Variants in MYT1L observed in about 807,000 individuals in gnomAD.
MYT1L encodes myelin transcription factor 1-like protein.
A neutral mutation model predicts 126.7 loss-of-function variants in MYT1L; 12 were observed. The ratio of observed to expected loss-of-function variants is 0.09; its 90% confidence interval spans 0.06 to 0.15. MYT1L has a LOEUF of 0.15. MYT1L is among the 10% of genes least tolerant of loss of function. MYT1L has a pLI of 1.00. For synonymous variants in MYT1L, 541 were observed against 604.2 expected (o/e 0.90, Z 1.53); for missense variants, 979 against 1,585.2 (o/e 0.62, Z 6.49).
intron 3 of MYT1L, among the ~76,000 whole-genome samples, chr2:2,165,495 T>C (rs146858946): frequency 9.9e-5 from 15 of 152,272 alleles, no homozygotes; most frequent in Admixed American, 9.2e-4. Flanking sequence ...CAATGCGTAA[T>C]TTCAACAGAA....
At chr2:2,211,334 C>CT (rs1315803874) in intron 2 of MYT1L, among the ~76,000 whole-genome samples, 2 of 152,190 alleles carry the variant, frequency 1.3e-5, no homozygotes, top group Non-Finnish European at 1.5e-5. Flanking sequence ...GGACAAGGTT[C>CT]TTTTTAAAGT....
chr2:2,329,429 C>CATATTATAATATAGATCCAGATCT (rs1427031450), intron 1 of MYT1L, among the ~76,000 whole-genome samples: 26 of 151,798 alleles, frequency 1.7e-4, no homozygotes, highest in Non-Finnish European at 2.4e-4. Flanking sequence ...CATAATCCTT[C>CATATTATAATATAGATCCAGATCT]ATATTATAAT....
At chr2:1,841,106 C>G in intron 19 of MYT1L, 1 of 321,334 alleles carries the variant, frequency 3.1e-6, no homozygotes. Context: ...GGGGTTTCAC[C>G]GTGTTAGCCA....
chr2:2,038,781 C>T (rs1171565145), intron 4 of MYT1L, among the ~76,000 whole-genome samples: 3 of 152,090 alleles, frequency 2.0e-5, no homozygotes, highest in African/African-American at 7.2e-5. Context: ...GTCCCTCACA[C>T]ACCCTCTTCC....
At chr2:1,825,338 C>T (rs1165352200) in intron 21 of MYT1L, 1 of 152,200 alleles carries the variant, frequency 6.6e-6, no homozygotes, top group Non-Finnish European at 1.5e-5. Context: ...AGCAAGCTCT[C>T]ACCATACAGT....
At chr2:2,168,340 G>C (rs1006465137) in intron 3 of MYT1L, among the ~76,000 whole-genome samples, 1 of 152,164 alleles carries the variant, frequency 6.6e-6, no homozygotes, top group African/African-American at 2.4e-5. Flanking sequence ...AGTCATAGCC[G>C]AACATAAAAA....
At chr2:1,822,497 T>A (rs1266357420) in intron 21 of MYT1L, among the ~76,000 whole-genome samples, 1 of 152,168 alleles carries the variant, frequency 6.6e-6, no homozygotes, top group Non-Finnish European at 1.5e-5. Flanking sequence ...CCAGGGATGC[T>A]CCTGCGTGCT....
At chr2:2,140,089 G>A (rs535314679) in intron 3 of MYT1L, among the ~76,000 whole-genome samples, 1 of 152,126 alleles carries the variant, frequency 6.6e-6, no homozygotes, top group Non-Finnish European at 1.5e-5. Flanking sequence ...TTAATCATCT[G>A]CCATAACACA....
At chr2:2,185,652 C>T (rs2092052654) in intron 2 of MYT1L, among the ~76,000 whole-genome samples, 2 of 140,960 alleles carry the variant, frequency 1.4e-5, no homozygotes, top group Middle Eastern at 3.9e-3. Flanking sequence ...GCCGGGCCTC[C>T]CAGACGCCCG....
intron 11 of MYT1L, among the ~76,000 whole-genome samples, chr2:1,913,559 G>A (rs1368747026): frequency 6.6e-6 from 1 of 152,124 alleles, no homozygotes; most frequent in African/African-American, 2.4e-5. Flanking sequence ...TACCTACTTC[G>A]TTCATTCTTT....
intron 22 of MYT1L, among the ~76,000 whole-genome samples, chr2:1,802,644 G>A (rs1234705630): frequency 1.3e-5 from 2 of 152,154 alleles, no homozygotes; most frequent in East Asian, 1.9e-4. Flanking sequence ...CTGGGCACAG[G>A]GCCCAGATGC....
intron 2 of MYT1L, among the ~76,000 whole-genome samples, chr2:2,265,979 C>T (rs1395078095): frequency 6.6e-6 from 1 of 152,050 alleles, no homozygotes; most frequent in East Asian, 1.9e-4. Flanking sequence ...CTTAGCCTCC[C>T]ATAGAGGTTA....
chr2:2,241,553 T>C (rs906804200), intron 2 of MYT1L, among the ~76,000 whole-genome samples: 3 of 152,184 alleles, frequency 2.0e-5, no homozygotes, highest in Non-Finnish European at 4.4e-5. Flanking sequence ...CTTTTATTTA[T>C]AGGAACACAT....
intron 9 of MYT1L, 150 bp downstream of exon 9, chr2:1,942,832 T>G (rs1388242448): frequency 2.2e-5 from 21 of 971,638 alleles, no homozygotes; most frequent in Non-Finnish European, 2.9e-5. Flanking sequence ...AACAGAAGTG[T>G]TCAGTTCATA....
At chr2:1,794,398 G>T (rs2032956029) in intron 23 of MYT1L, among the ~76,000 whole-genome samples, 1 of 152,224 alleles carries the variant, frequency 6.6e-6, no homozygotes, top group South Asian at 2.1e-4. Context: ...TGGGAATAAT[G>T]CTCCTTGCAT....
At chr2:2,117,220 A>T (rs1465416804) in intron 3 of MYT1L, among the ~76,000 whole-genome samples, 1 of 152,238 alleles carries the variant, frequency 6.6e-6, no homozygotes, top group African/African-American at 2.4e-5. Context: ...AGATAAATAC[A>T]GCAGTTATCT....
chr2:1,908,745 G>C (rs1032685665), intron 13 of MYT1L, among the ~76,000 whole-genome samples: 1 of 152,142 alleles, frequency 6.6e-6, no homozygotes, highest in Non-Finnish European at 1.5e-5. Context: ...CCTATGAGTT[G>C]TTCAGTGTTT....
rs73913224 is a variant in MYT1L, at chr2:2,154,358, G to T, written c.-304+18514C>A. Among the ~76,000 whole-genome samples the T allele has an allele frequency of 1.0e-2, 1,517 of 152,166 alleles. 27 individuals are homozygous for T. Among genetic ancestry groups the T allele is most frequent in the African/African-American group, 0.031 (1,282 of 41,502 alleles). On this transcript the variant is annotated intron_variant, in intron 3 of 24. Transcript: ENST00000647738. ...AACCCGTGGTGACATCTAAAACTAA[G>T]GAATAAAGAATAGATACTAGAGTCT...
intron 3 of MYT1L, among the ~76,000 whole-genome samples, chr2:2,069,013 G>A (rs2074259483): frequency 6.6e-6 from 1 of 151,840 alleles, no homozygotes; most frequent in South Asian, 2.1e-4. Context: ...GCCTGGGGCT[G>A]CAGAGTAAAA....
Sources: gnomAD v4.1 joint callset for allele counts (sites outside exome capture counted in the v4.1 genomes callset) on GRCh38, gnomAD v4.1.1 for gene constraint, MANE v1.5 for transcripts, NCBI Gene and HGNC (gene_info 2026-07-23, HGNC 2026-07-21) for gene names.